The following DNAH3 variants were observed in gnomAD, a reference collection of about 807,000 sequenced individuals.
The protein encoded by DNAH3 is axonemal beta dynein heavy chain 3.
In DNAH3, 332 loss-of-function variants were observed where a neutral mutation model predicts 432.5. The observed-to-expected ratio is 0.77, with a 90% CI of 0.70 to 0.84. The LOEUF is 0.84. DNAH3 is among the 40% of genes least tolerant of loss of function. The pLI is 0.00. For missense variants in DNAH3, 4,861 were observed against 5,114.0 expected, an observed-to-expected ratio of 0.95 and a Z score of 1.51; for synonymous variants, 1,956 against 1,900.2, an observed-to-expected ratio of 1.03 and a Z score of -0.76.
chr16:21,077,497 T>C (rs532858711), intron 20 of DNAH3, among the ~76,000 whole-genome samples: 6 of 152,248 alleles, frequency 3.9e-5, no homozygotes, highest in Admixed American at 3.9e-4. Context: ...TTTGAACCTC[T>C]GTTAATTTAT....
chr16:20,933,263 G>A (rs748394060), exon 62 of DNAH3: 2 of 1,614,250 alleles, frequency 1.2e-6, no homozygotes, highest in Non-Finnish European at 1.7e-6. Context: ...GTGGCCTGTG[G>A]TGGAGAGGGT....
At chr16:21,087,199 G>A in intron 18 of DNAH3, 139 bp from the exon 19 acceptor site, 1 of 706,440 alleles carries the variant, frequency 1.4e-6, no homozygotes, top group Admixed American at 2.6e-5. Context: ...TCTGAAACCT[G>A]CACTTAGCCA....
At chr16:21,138,826 A>AC (rs1357755369) in intron 5 of DNAH3, among the ~76,000 whole-genome samples, 2 of 150,928 alleles carry the variant, frequency 1.3e-5, no homozygotes, top group African/African-American at 4.9e-5. Context: ...AAAAAAAACA[A>AC]CACAGAGACT....
At chr16:20,980,939 G>A (rs2085868707) in intron 49 of DNAH3, among the ~76,000 whole-genome samples, 1 of 152,166 alleles carries the variant, frequency 6.6e-6, no homozygotes, top group African/African-American at 2.4e-5. Context: ...TGCAAAAACA[G>A]CCACAGATGG....
exon 7 of DNAH3, chr16:21,134,413 A>G: frequency 1.2e-6 from 2 of 1,614,228 alleles, no homozygotes; most frequent in Non-Finnish European, 1.7e-6. Flanking sequence ...CTCTCAATAA[A>G]GAGCCGTTTT....
chr16:21,019,670 C>T (rs757413010), exon 41 of DNAH3: 3 of 1,614,052 alleles, frequency 1.9e-6, no homozygotes, highest in Non-Finnish European at 2.5e-6. Context: ...CGCTTTTGGG[C>T]CTTGGGTGGT....
Position 21,067,302 on chromosome 16 carries a change from T to A in DNAH3, c.3499A>T (p.Lys1167Ter), listed in dbSNP as rs2090588371. Residue 1167 changes from lysine (K) to a stop codon, truncating the protein, a stop_gained, in exon 24 of 62, where the codon AAG becomes TAG. Transcript: ENST00000261383. LOFTEE classifies it high-confidence loss of function. ...GGATACCTGGGGAAGAATAGTCTCT[T>A]CTTCTCCAAGTAATCATTCAGCCCT... 6.2e-7 allele frequency: 1 copy of A among 1,614,100 alleles called. No individual in the cohort carries two copies. The highest frequency in any genetic ancestry group is 1.3e-5 in the African/African-American group (1 of 75,040).
chr16:21,089,145 G>A (rs1176495941), intron 18 of DNAH3, among the ~76,000 whole-genome samples: 1 of 152,230 alleles, frequency 6.6e-6, no homozygotes, highest in Non-Finnish European at 1.5e-5. Flanking sequence ...GAGTTTCTGA[G>A]TCAGGTCTGG....
At chr16:21,040,358 A>ATCTTTTTTTTTTTTTTTTTTTTTTTTT (rs771791969) in intron 32 of DNAH3, among the ~76,000 whole-genome samples, 2 of 79,712 alleles carry the variant, frequency 2.5e-5, no homozygotes, top group African/African-American at 1.1e-4. Context: ...AGCCAGACAG[A>ATCTTTTTTTTTTTTTTTTTTTTTTTTT]TTTTTTTTTT....
At chr16:20,971,120 G>A (rs1007855285) in intron 51 of DNAH3, among the ~76,000 whole-genome samples, 2 of 151,862 alleles carry the variant, frequency 1.3e-5, no homozygotes, top group African/African-American at 4.8e-5. Context: ...CGCCCGCCTC[G>A]GCCTCCCAAA....
chr16:21,005,176 T>G (rs57420645), intron 41 of DNAH3, among the ~76,000 whole-genome samples: 3,756 of 151,772 alleles, frequency 0.025, 169 homozygotes, highest in African/African-American at 0.086. Flanking sequence ...TTTCTTTTTC[T>G]TTTTCTTTCT....
chr16:20,989,637 C>G (rs567009753), intron 44 of DNAH3, among the ~76,000 whole-genome samples: 3 of 152,348 alleles, frequency 2.0e-5, no homozygotes, highest in East Asian at 1.9e-4. Flanking sequence ...CCGGGCGGTA[C>G]GCTCGCACTC....
At chr16:21,019,942 C>A in intron 40 of DNAH3, 73 bp from the exon 41 acceptor site, 1 of 1,565,566 alleles carries the variant, frequency 6.4e-7, no homozygotes. Context: ...AACTGGTTGG[C>A]TTTGCCTTTG....
At chr16:20,986,489 A>G (rs138416468) in intron 47 of DNAH3, among the ~76,000 whole-genome samples, 1 of 152,290 alleles carries the variant, frequency 6.6e-6, no homozygotes, top group African/African-American at 2.4e-5. Flanking sequence ...CCTGGGTGAC[A>G]GAGTGAGGTC....
chr16:20,965,419 A>G, exon 53 of DNAH3: 1 of 1,514,484 alleles, frequency 6.6e-7, no homozygotes, highest in Non-Finnish European at 8.8e-7. Flanking sequence ...ATCTTCTATC[A>G]TCTTACCTAT....
intron 46 of DNAH3, 40 bp from the exon 47 acceptor site, chr16:20,987,488 G>T: frequency 6.2e-7 from 1 of 1,610,622 alleles, no homozygotes; most frequent in South Asian, 1.1e-5. Context: ...AGTGGAAGAT[G>T]GTCCCTGAGG....
At chr16:20,985,619 T>C in exon 48 of DNAH3, 2 of 1,614,212 alleles carry the variant, frequency 1.2e-6, no homozygotes, top group Non-Finnish European at 1.7e-6. Context: ...TCATCGTAGA[T>C]TTTTTGGTCA....
chr16:21,117,512 C>T (rs1201628494), intron 11 of DNAH3, among the ~76,000 whole-genome samples, 173 bp from the exon 12 acceptor site: 11 of 152,152 alleles, frequency 7.2e-5, no homozygotes, highest in African/African-American at 2.7e-4. Context: ...TCTGTTCTCT[C>T]TCCTTTCCTT....
At chr16:20,975,562 T>C (rs1048824444) in intron 50 of DNAH3, 147 bp from the exon 51 acceptor site, 8 of 776,172 alleles carry the variant, frequency 1.0e-5, no homozygotes, top group African/African-American at 5.2e-5. Flanking sequence ...ATTCGTTTCC[T>C]AGTGATTATC....
Sources: allele counts gnomAD v4.1 joint callset (sites outside exome capture counted in the v4.1 genomes callset), GRCh38; gene constraint gnomAD v4.1.1; transcripts MANE v1.5; gene names NCBI Gene and HGNC (gene_info 2026-07-23, HGNC 2026-07-21).